NUP62CL: variants seen among roughly 807,000 people sequenced by gnomAD.
The protein encoded by NUP62CL is nucleoporin-62 C-terminal-like protein.
Under a neutral mutation model 15.3 loss-of-function variants are expected in NUP62CL, and 13 were observed. The observed-to-expected ratio is 0.85, with a 90% CI of 0.55 to 1.35. NUP62CL has a LOEUF of 1.35. NUP62CL is among the 40% of genes most tolerant of loss of function. The pLI, the probability that NUP62CL is intolerant of heterozygous loss-of-function variation, is 0.00. For missense variants in NUP62CL, 123 were observed against 130.6 expected, an observed-to-expected ratio of 0.94 and a Z score of 0.28; for synonymous variants, 54 against 49.2, an observed-to-expected ratio of 1.10 and a Z score of -0.41.
At chrX:107,154,608 C>T (rs1926129394) in intron 4 of NUP62CL, among the ~76,000 whole-genome samples, 2 of 111,720 alleles carry the variant, frequency 1.8e-5, no homozygotes, top group African/African-American at 6.5e-5. Context: ...GATTCTCTCT[C>T]CCCCAGCTCT....
intron 8 of NUP62CL, among the ~76,000 whole-genome samples, chrX:107,141,986 G>T (rs2147794836): frequency 9.1e-6 from 1 of 109,561 alleles, no homozygotes; most frequent in African/African-American, 3.3e-5. Context: ...GAAGGCAGAG[G>T]TTGCAGTGAG....
chrX:107,202,576 A>G (rs1047253922), intron 1 of NUP62CL: 1 of 109,457 alleles, frequency 9.1e-6, no homozygotes, highest in Non-Finnish European at 1.9e-5. Flanking sequence ...AAATAAATTC[A>G]GGCTGGTCTG....
intron 8 of NUP62CL, among the ~76,000 whole-genome samples, chrX:107,135,280 GA>G (rs997811138): frequency 9.0e-6 from 1 of 110,738 alleles, no homozygotes; most frequent in East Asian, 2.8e-4. Flanking sequence ...TGAGTGATGG[GA>G]AAAAAAAGAA....
intron 4 of NUP62CL, among the ~76,000 whole-genome samples, chrX:107,156,087 C>T (rs1373084134): frequency 2.7e-5 from 3 of 110,390 alleles, no homozygotes; most frequent in Non-Finnish European, 5.7e-5. Context: ...TAAAAAACGG[C>T]GCACGACGAG....
chrX:107,156,075 C>G (rs1205149661), intron 4 of NUP62CL, among the ~76,000 whole-genome samples: 1 of 110,698 alleles, frequency 9.0e-6, no homozygotes, highest in Non-Finnish European at 1.9e-5. Context: ...TTCAGACCGG[C>G]TTAAAAAACG....
chrX:107,152,185 C>CAGAT lies in NUP62CL; in HGVS notation c.530+983_530+986dup, dbSNP rs1242926722. ...ATATATATTCAGATATATATATATT[C>CAGAT]AGATATATATATATATATGACTACA... On this transcript the variant is annotated intron_variant, in intron 7 of 8. Coordinates refer to ENST00000372466, the MANE Select transcript of NUP62CL (RefSeq NM_017681.3). Among the ~76,000 whole-genome samples the CAGAT allele has an allele frequency of 1.7e-4, 13 of 74,518 alleles. No homozygotes were observed. In the Admixed American group the frequency reaches 1.8e-3, roughly 10 times the overall value. 64.7% of individuals were successfully genotyped at this position (74,518 alleles called of 115,157 possible).
intron 1 of NUP62CL, among the ~76,000 whole-genome samples, chrX:107,197,482 C>T (rs1478334578): frequency 9.1e-6 from 1 of 110,489 alleles, no homozygotes; most frequent in African/African-American, 3.3e-5. Context: ...TCTTCCTCTT[C>T]TAAGTAACCT....
At chrX:107,131,875 C>T in intron 8 of NUP62CL, 1 of 997,492 alleles carries the variant, frequency 1.0e-6, no homozygotes, top group African/African-American at 1.9e-5. Context: ...AAATGTTGAA[C>T]ATGCTGATAC....
chrX:107,187,115 G>C (rs902562770), intron 2 of NUP62CL, among the ~76,000 whole-genome samples: 1 of 111,659 alleles, frequency 9.0e-6, no homozygotes, highest in African/African-American at 3.3e-5. Context: ...CAGAGAGGAA[G>C]TCTCAAGAGA....
chrX:107,177,982 T>C (rs1228407562), intron 2 of NUP62CL, among the ~76,000 whole-genome samples: 1 of 111,607 alleles, frequency 9.0e-6, no homozygotes, highest in Non-Finnish European at 1.9e-5. Context: ...AATGGATGAA[T>C]AAAATACAGC....
intron 8 of NUP62CL, among the ~76,000 whole-genome samples, chrX:107,133,713 G>T (rs1371660165): frequency 4.4e-5 from 5 of 112,438 alleles, no homozygotes; most frequent in African/African-American, 6.5e-5. Context: ...GGCGAGGCGG[G>T]TGGATCACGA....
chrX:107,127,178 C>G (rs781179582), intron 8 of NUP62CL, among the ~76,000 whole-genome samples: 116 of 111,747 alleles, frequency 1.0e-3, no homozygotes, highest in African/African-American at 3.4e-3. Context: ...AAATATTATG[C>G]TAAATGAAAG....
intron 1 of NUP62CL, among the ~76,000 whole-genome samples, chrX:107,194,746 A>T (rs1927320035): frequency 9.1e-6 from 1 of 110,070 alleles, no homozygotes. Flanking sequence ...AAAACGTATA[A>T]GCAAAGTAAC....
At chrX:107,188,873 TG>T (rs1315488739) in intron 2 of NUP62CL, among the ~76,000 whole-genome samples, 1 of 111,504 alleles carries the variant, frequency 9.0e-6, no homozygotes, top group Non-Finnish European at 1.9e-5. Flanking sequence ...AATACCTAGG[TG>T]TAAGTTTAAC....
intron 1 of NUP62CL, among the ~76,000 whole-genome samples, chrX:107,204,873 TTTAAATAAATTTTAAATAAA>T (rs1449009651): frequency 6.4e-5 from 5 of 77,929 alleles, no homozygotes; most frequent in Middle Eastern, 5.8e-3. Flanking sequence ...AAATAAATTA[TTTAAATAAATTTTAAATAAA>T]TTATTTAAAT....
intron 1 of NUP62CL, among the ~76,000 whole-genome samples, chrX:107,204,232 T>C (rs1348454334): frequency 9.0e-6 from 1 of 111,240 alleles, no homozygotes; most frequent in East Asian, 2.8e-4. Flanking sequence ...CAAGGCAGAA[T>C]GGACAAGAAT....
In NUP62CL at chrX:107,153,205, T is replaced by A. The variant is rs766572573; in HGVS notation, c.497A>T (p.Tyr166Phe). Reference protein sequence around the residue: ...ESTRDQSGLHYLQDADEEHVE... With the variant: ...ESTRDQSGLHFLQDADEEHVE... ...ATGCTCCTCATCTGCATCCTGCAGA[T>A]AATGAAGTCCACTCTGGTCACGCGT... Residue 166 changes from tyrosine to phenylalanine, a missense_variant, in exon 7 of 9, where the codon TAT becomes TTT. Transcript: ENST00000372466. 5 of 1,208,064 alleles carry A rather than the reference T, an allele frequency of 4.1e-6. No individual in the cohort carries two copies. In the East Asian group the frequency reaches 1.5e-4, roughly 36 times the overall value.
At chrX:107,144,818 C>T (rs1221062517) in intron 8 of NUP62CL, among the ~76,000 whole-genome samples, 5 of 111,424 alleles carry the variant, frequency 4.5e-5, no homozygotes, top group Admixed American at 9.6e-5. Flanking sequence ...ATCACATGAC[C>T]CTTCTTTTCT....
intron 1 of NUP62CL, among the ~76,000 whole-genome samples, chrX:107,203,946 T>C (rs1927548370): frequency 8.9e-6 from 1 of 111,851 alleles, no homozygotes. Flanking sequence ...TAGCTATAAA[T>C]CCACAGAAAC....
Sources: gnomAD v4.1 joint callset for allele counts (sites outside exome capture counted in the v4.1 genomes callset) on GRCh38, gnomAD v4.1.1 for gene constraint, MANE v1.5 for transcripts, NCBI Gene and HGNC (gene_info 2026-07-23, HGNC 2026-07-21) for gene names.